The following CFDP1 variants were observed in gnomAD, a reference collection of about 807,000 sequenced individuals.
The protein encoded by CFDP1 is chromatin remodeling protein CFDP1, also known as heterochromatin-stabilizing protein CFDP1.
A neutral mutation model predicts 40.1 loss-of-function variants in CFDP1; 31 were observed. The ratio of observed to expected loss-of-function variants is 0.77; its 90% CI spans 0.58 to 1.04. The LOEUF (loss-of-function observed/expected upper bound fraction) is 1.04. Among genes scored for constraint, CFDP1 ranks in the 50% least tolerant of loss-of-function variants. The pLI, the probability that CFDP1 is intolerant of heterozygous loss-of-function variation, is 0.00. For synonymous variants in CFDP1, 167 were observed against 120.0 expected, an observed-to-expected ratio of 1.39 and a Z score of -2.56; for missense variants, 423 against 343.4, an observed-to-expected ratio of 1.23 and a Z score of -1.83.
intron 5 of CFDP1, among the ~76,000 whole-genome samples, chr16:75,360,513 A>G (rs1008508991): frequency 1.3e-5 from 2 of 152,226 alleles, no homozygotes; most frequent in East Asian, 1.9e-4. Flanking sequence ...GTTTTTGTAC[A>G]TGGAAAGGAA....
intron 5 of CFDP1, among the ~76,000 whole-genome samples, chr16:75,352,913 G>T (rs1456177111): frequency 6.6e-6 from 1 of 152,072 alleles, no homozygotes; most frequent in Non-Finnish European, 1.5e-5. Flanking sequence ...GTCTTGATAA[G>T]AAAAACTATA....
intron 6 of CFDP1, among the ~76,000 whole-genome samples, chr16:75,303,427 G>C (rs1390142437): frequency 6.7e-6 from 1 of 150,212 alleles, no homozygotes; most frequent in Non-Finnish European, 1.5e-5. Flanking sequence ...ATGTATGTAT[G>C]TTTAGGGAAA....
At chr16:75,370,980 T>C (rs1247843576) in intron 5 of CFDP1, among the ~76,000 whole-genome samples, 1 of 152,228 alleles carries the variant, frequency 6.6e-6, no homozygotes, top group Admixed American at 6.5e-5. Context: ...TGTTAGTTTA[T>C]TCATTTATCA....
At chr16:75,348,142 G>T (rs116841200) in intron 5 of CFDP1, among the ~76,000 whole-genome samples, 1 of 152,278 alleles carries the variant, frequency 6.6e-6, no homozygotes, top group East Asian at 1.9e-4. Context: ...TAGAGACAAG[G>T]TCTCACTTAC....
At chr16:75,381,150 T>C (rs1048890289) in intron 5 of CFDP1, 3 of 152,128 alleles carry the variant, frequency 2.0e-5, no homozygotes, top group African/African-American at 7.2e-5. Flanking sequence ...TCTAATTACA[T>C]AGTGACAGAT....
At chr16:75,410,307 C>T in intron 4 of CFDP1, among the ~76,000 whole-genome samples, 1 of 151,968 alleles carries the variant, frequency 6.6e-6, no homozygotes, top group East Asian at 1.9e-4. Flanking sequence ...CTCTAAATCA[C>T]AAATCTGCTA....
chr16:75,356,130 T>C (rs1240146011), intron 5 of CFDP1, among the ~76,000 whole-genome samples: 1 of 152,208 alleles, frequency 6.6e-6, no homozygotes, highest in Non-Finnish European at 1.5e-5. Context: ...GTGAATTCTT[T>C]CCAGAAGGTT....
chr16:75,308,036 C>T (rs2078270307), intron 5 of CFDP1, among the ~76,000 whole-genome samples: 2 of 152,324 alleles, frequency 1.3e-5, no homozygotes, highest in African/African-American at 4.8e-5. Context: ...TGGGCAAGTG[C>T]AGACTCACTG....
intron 5 of CFDP1, among the ~76,000 whole-genome samples, chr16:75,327,278 C>T (rs779007961): frequency 3.3e-5 from 5 of 151,992 alleles, no homozygotes; most frequent in South Asian, 4.2e-4. Flanking sequence ...AAAAACAAAA[C>T]GAAACAAAAA....
At chr16:75,404,923 A>T (rs910958656) in intron 4 of CFDP1, among the ~76,000 whole-genome samples, 4 of 152,232 alleles carry the variant, frequency 2.6e-5, no homozygotes, top group African/African-American at 9.6e-5. Context: ...CAAGAAATAC[A>T]GCTATAAAGT....
chr16:75,388,489 G>A (rs2078919519), intron 5 of CFDP1, among the ~76,000 whole-genome samples: 1 of 152,160 alleles, frequency 6.6e-6, no homozygotes. Flanking sequence ...TAATATAAAT[G>A]AGTAAAGCCA....
intron 5 of CFDP1, among the ~76,000 whole-genome samples, chr16:75,374,183 G>A (rs1355032567): frequency 6.6e-6 from 1 of 151,954 alleles, no homozygotes; most frequent in Non-Finnish European, 1.5e-5. Context: ...AACCCTGGAG[G>A]TGGAGGTTGC....
chr16:75,302,589 G>C (rs567430637), intron 6 of CFDP1, among the ~76,000 whole-genome samples: 1 of 152,208 alleles, frequency 6.6e-6, no homozygotes, highest in Non-Finnish European at 1.5e-5. Context: ...CTCAAGCAGA[G>C]TGAACACTGT....
intron 5 of CFDP1, among the ~76,000 whole-genome samples, chr16:75,317,949 C>G (rs571809164): frequency 6.6e-6 from 1 of 151,792 alleles, no homozygotes; most frequent in Non-Finnish European, 1.5e-5. Flanking sequence ...CACCCCCCAT[C>G]TCTACTAAAA....
intron 1 of CFDP1, among the ~76,000 whole-genome samples, chr16:75,428,195 C>G (rs1308397932): frequency 3.3e-5 from 5 of 150,540 alleles, no homozygotes; most frequent in Admixed American, 3.3e-4. Context: ...GGTTACACAA[C>G]GCTAGGCATT....
intron 1 of CFDP1, among the ~76,000 whole-genome samples, chr16:75,431,967 A>C (rs1430094350): frequency 1.4e-5 from 2 of 144,704 alleles, no homozygotes; most frequent in Non-Finnish European, 3.0e-5. Context: ...GCTGGAGTGC[A>C]GTGGTGTGAT....
In CFDP1 at chr16:75,305,561, T is replaced by C. The variant is rs141595124; in HGVS notation, c.651-379A>G. On this transcript the variant is annotated intron_variant, in intron 5 of 6. Coordinates refer to ENST00000283882, the MANE Select transcript of CFDP1 (RefSeq NM_006324.3). ...ACTGTGTGACTCTAGGCCAGTTATT[T>C]ACTGCATGTTCCTTGGTTTCCTAAT... is the stretch of plus-strand genomic sequence containing the variant. The C allele has an allele frequency of 2.6e-4, 49 of 188,298 alleles. 1 individual carries two copies. The highest frequency in any genetic ancestry group is 1.1e-3 in the African/African-American group (47 of 43,058). The allele number at this position is 188,298 out of a possible 1,614,324, so 11.7% of individuals were successfully genotyped here.
At chr16:75,300,677 A>T (rs549715125) in intron 6 of CFDP1, among the ~76,000 whole-genome samples, 1 of 152,236 alleles carries the variant, frequency 6.6e-6, no homozygotes, top group Non-Finnish European at 1.5e-5. Context: ...GAGGGAAAGC[A>T]AGTATTTGGT....
At chr16:75,395,938 A>G (rs879280458) in intron 4 of CFDP1, among the ~76,000 whole-genome samples, 11 of 141,388 alleles carry the variant, frequency 7.8e-5, no homozygotes, top group African/African-American at 2.5e-4. Flanking sequence ...GAGAAGGAGA[A>G]ATGTTTAATC....
Sources: allele counts gnomAD v4.1 joint callset (sites outside exome capture counted in the v4.1 genomes callset), GRCh38; gene constraint gnomAD v4.1.1; transcripts MANE v1.5; gene names NCBI Gene and HGNC (gene_info 2026-07-23, HGNC 2026-07-21).